Variants in VGLL4 observed in about 807,000 individuals in gnomAD.
VGLL4 encodes the protein vestigial like family member 4.
VGLL4 carries 7 observed loss-of-function variants against 21.0 expected under a neutral mutation model. That is an observed-to-expected ratio of 0.33 (90% CI 0.19 to 0.63). The LOEUF (loss-of-function observed/expected upper bound fraction) is 0.63. Ranked by LOEUF, VGLL4 falls within the 20% of genes least tolerant of loss-of-function variation. The probability of loss-of-function intolerance (pLI) is 0.78; values close to 1 mark genes in which losing one functional copy is unlikely to be tolerated. For missense variants in VGLL4, 394 were observed against 425.7 expected, an observed-to-expected ratio of 0.93 and a Z score of 0.66; for synonymous variants, 222 against 173.2, an observed-to-expected ratio of 1.28 and a Z score of -2.21.
At chr3:11,618,843 A>C (rs965845677) in intron 1 of VGLL4, among the ~76,000 whole-genome samples, 1 of 152,186 alleles carries the variant, frequency 6.6e-6, no homozygotes, top group African/African-American at 2.4e-5. Flanking sequence ...TCAACCTAAA[A>C]TATTGGGGGA....
In VGLL4 at chr3:11,557,453, G is replaced by A. The variant is rs879745143; in HGVS notation, c.*1103C>T. The A allele has an allele frequency of 9.2e-5, 14 of 152,590 alleles. No individual in the cohort carries two copies. The highest frequency in any genetic ancestry group is 5.9e-4 in the Admixed American group (9 of 15,274). 9.5% of individuals were successfully genotyped at this position (152,590 alleles called of 1,614,324 possible). A position where few individuals can be genotyped will look rare whatever the true frequency, so the allele number is the denominator to read the frequency against. On this transcript the variant is annotated 3_prime_UTR_variant, in exon 5 of 5. Transcript: ENST00000430365. The stretch of plus-strand genomic sequence containing the variant: ...GGGAGCTTGTAACAAAGCAGACAGG[G>A]ATGCAAAAATAAATGATGTCAGCCT...
At chr3:11,675,079 C>T (rs189050788) in intron 2 of VGLL4, among the ~76,000 whole-genome samples, 368 of 152,342 alleles carry the variant, frequency 2.4e-3, no homozygotes, top group Non-Finnish European at 4.1e-3. Context: ...CAGTGGCTCA[C>T]GCCCGTAATC....
In VGLL4 at chr3:11,558,600, C is replaced by T. The variant is rs778016957; in HGVS notation, c.847G>A (p.Ala283Thr). The T allele has an allele frequency of 6.2e-7, 1 of 1,605,818 alleles. No individual in the cohort carries two copies. Among genetic ancestry groups the T allele is most frequent in the Non-Finnish European group, 8.5e-7 (1 of 1,179,948 alleles). ...GAGTGACTGTGGCTGACCATGTGGGCAGAGGGGCTGGCGGGCTGGCCCCTG... is the reference window on the plus strand; with the variant it reads ...GAGTGACTGTGGCTGACCATGTGGGTAGAGGGGCTGGCGGGCTGGCCCCTG... ...SRRGQPASPS[A>T]HMVSHSHSPS... The change falls in exon 5 of 5, where the codon GCC (alanine) becomes ACC (threonine). Residue 283 changes from alanine to threonine, a missense_variant. By Grantham distance (58) the Ala-to-Thr change is moderately conservative. Transcript: ENST00000430365.
intron 2 of VGLL4, among the ~76,000 whole-genome samples, chr3:11,673,873 C>T (rs1315625913): frequency 1.3e-5 from 2 of 151,740 alleles, no homozygotes; most frequent in Admixed American, 6.6e-5. Context: ...ATTAGCTGGG[C>T]GTGGTAGCGG....
intron 2 of VGLL4, among the ~76,000 whole-genome samples, chr3:11,572,644 C>T (rs58777671): frequency 1.3e-5 from 2 of 152,258 alleles, no homozygotes; most frequent in African/African-American, 2.4e-5. Context: ...AGCACACATC[C>T]GTCGCATGCT....
At chr3:11,702,348 G>A (rs1201507049) in intron 2 of VGLL4, among the ~76,000 whole-genome samples, 3 of 150,806 alleles carry the variant, frequency 2.0e-5, no homozygotes, top group South Asian at 2.1e-4. Context: ...GGCAGCTCCC[G>A]TGTGTAATCC....
intron 2 of VGLL4, among the ~76,000 whole-genome samples, chr3:11,695,589 T>C (rs752437991): frequency 6.6e-6 from 1 of 152,168 alleles, no homozygotes; most frequent in South Asian, 2.1e-4. Flanking sequence ...CAAAGAACTA[T>C]AGCTTCTCAT....
chr3:11,720,162 C>A (rs1157591655), intron 1 of VGLL4, among the ~76,000 whole-genome samples: 1 of 152,168 alleles, frequency 6.6e-6, no homozygotes, highest in African/African-American at 2.4e-5. Flanking sequence ...ACACACACCC[C>A]GCCAAGCGCC....
At chr3:11,690,005 C>T (rs1250270707) in intron 2 of VGLL4, among the ~76,000 whole-genome samples, 3 of 152,134 alleles carry the variant, frequency 2.0e-5, no homozygotes, top group Non-Finnish European at 4.4e-5. Context: ...TCTCTCAGGC[C>T]CCAACACCCC....
chr3:11,664,646 C>T (rs1214231814), intron 2 of VGLL4, among the ~76,000 whole-genome samples: 1 of 152,168 alleles, frequency 6.6e-6, no homozygotes, highest in Non-Finnish European at 1.5e-5. Flanking sequence ...AGGGGTCACC[C>T]ATGAAACCTG....
At chr3:11,571,088 G>A (rs1293043011) in intron 2 of VGLL4, among the ~76,000 whole-genome samples, 1 of 152,184 alleles carries the variant, frequency 6.6e-6, no homozygotes, top group Non-Finnish European at 1.5e-5. Flanking sequence ...AAGTACAAAT[G>A]GCAAGAAGTG....
At chr3:11,650,377 T>C (rs1359565354) in intron 2 of VGLL4, among the ~76,000 whole-genome samples, 4 of 152,224 alleles carry the variant, frequency 2.6e-5, no homozygotes, top group Admixed American at 1.3e-4. Context: ...CACTTTAGAA[T>C]AGATCACCAA....
At chr3:11,645,522 G>A (rs965019287), upstream of VGLL4, among the ~76,000 whole-genome samples, 4 of 102,578 alleles carry the variant, frequency 3.9e-5, no homozygotes, top group East Asian at 3.0e-4. Flanking sequence ...CCCGGGAAGC[G>A]GAGCTTGCAG....
intron 1 of VGLL4, among the ~76,000 whole-genome samples, chr3:11,709,245 G>A (rs973016404): frequency 6.6e-6 from 1 of 151,468 alleles, no homozygotes; most frequent in Non-Finnish European, 1.5e-5. Context: ...AGACGAGCCT[G>A]GCCAACATAG....
intron 1 of VGLL4, among the ~76,000 whole-genome samples, chr3:11,632,318 TAA>T (rs5846713): frequency 6.6e-6 from 1 of 151,368 alleles, no homozygotes; most frequent in African/African-American, 2.4e-5. Context: ...GTCTCAAAAA[TAA>T]AAAAAAAATA....
At chr3:11,630,399 C>T (rs61420718) in intron 1 of VGLL4, among the ~76,000 whole-genome samples, 2,171 of 152,222 alleles carry the variant, frequency 0.014, 55 homozygotes, top group African/African-American at 0.048. Context: ...AACCCCAGCA[C>T]TTTGGGAGGC....
intron 2 of VGLL4, among the ~76,000 whole-genome samples, chr3:11,579,100 G>A (rs1487249183): frequency 6.6e-6 from 1 of 151,714 alleles, no homozygotes; most frequent in African/African-American, 2.4e-5. Context: ...TTCCTCCTGA[G>A]AGCCAATCAT....
intron 2 of VGLL4, among the ~76,000 whole-genome samples, chr3:11,579,500 ACT>A (rs1401604700): frequency 1.3e-5 from 2 of 152,130 alleles, no homozygotes; most frequent in Non-Finnish European, 2.9e-5. Flanking sequence ...CTGTAACATC[ACT>A]CACATCTAGA....
chr3:11,574,173 T>C (rs2073959132), intron 2 of VGLL4, among the ~76,000 whole-genome samples: 1 of 152,194 alleles, frequency 6.6e-6, no homozygotes, highest in South Asian at 2.1e-4. Flanking sequence ...CCCTGTGTTA[T>C]GGCAGCCCTA....
Sources: gnomAD v4.1 joint callset for allele counts (sites outside exome capture counted in the v4.1 genomes callset) on GRCh38, gnomAD v4.1.1 for gene constraint, MANE v1.5 for transcripts, NCBI Gene and HGNC (gene_info 2026-07-23, HGNC 2026-07-21) for gene names.